The following PHF24 variants were observed in gnomAD, a reference collection of about 807,000 sequenced individuals.
PHF24 encodes Galpha inhibitory interacting protein.
A neutral mutation model predicts 42.6 loss-of-function variants in PHF24; 25 were observed. The ratio of observed to expected loss-of-function variants is 0.59; its 90% confidence interval spans 0.43 to 0.82. The LOEUF (loss-of-function observed/expected upper bound fraction) is 0.82. Among genes scored for constraint, PHF24 ranks in the 40% least tolerant of loss-of-function variants. The pLI, the probability that PHF24 is intolerant of heterozygous loss-of-function variation, is 0.00. For synonymous variants in PHF24, 185 were observed against 204.8 expected (o/e 0.90, Z 0.83); for missense variants, 470 against 538.1 (o/e 0.87, Z 1.25).
the PHF24 span, among the ~76,000 whole-genome samples, chr9:34,670,147 C>A: frequency 6.6e-6 from 1 of 152,202 alleles, no homozygotes; most frequent in African/African-American, 2.4e-5. Context: ...ATTTGAGACC[C>A]TCCTAGACTT....
the PHF24 span, among the ~76,000 whole-genome samples, chr9:34,885,327 CATT>C: frequency 6.6e-6 from 1 of 152,202 alleles, no homozygotes; most frequent in South Asian, 2.1e-4. Flanking sequence ...CAGAAGGACA[CATT>C]ATGCTTAACG....
At chr9:34,795,468 T>C in the PHF24 span, among the ~76,000 whole-genome samples, 849 of 151,914 alleles carry the variant, frequency 5.6e-3, 8 homozygotes, top group African/African-American at 0.019. Context: ...CAATAATTGA[T>C]TAAAAGAGAA....
At chr9:34,852,072 C>T in the PHF24 span, among the ~76,000 whole-genome samples, 1 of 152,150 alleles carries the variant, frequency 6.6e-6, no homozygotes, top group Non-Finnish European at 1.5e-5. Context: ...TCTTTATTCT[C>T]CTCTTCCTCA....
At chr9:34,919,854 C>T in the PHF24 span, among the ~76,000 whole-genome samples, 62,069 of 151,938 alleles carry the variant, frequency 0.41, 12,847 homozygotes, top group East Asian at 0.54. Context: ...GTCCTCCAGT[C>T]CATCCACGCT....
At chr9:34,749,043 A>C in the PHF24 span, among the ~76,000 whole-genome samples, 1 of 152,114 alleles carries the variant, frequency 6.6e-6, no homozygotes, top group East Asian at 1.9e-4. Flanking sequence ...AGACATTCTC[A>C]AGTTGAAAAA....
the PHF24 span, among the ~76,000 whole-genome samples, chr9:34,840,863 C>T: frequency 6.6e-6 from 1 of 151,970 alleles, no homozygotes; most frequent in Non-Finnish European, 1.5e-5. Flanking sequence ...TAATATAAAT[C>T]TTTGCATAAA....
the PHF24 span, among the ~76,000 whole-genome samples, chr9:34,792,168 C>A: frequency 6.6e-6 from 1 of 152,144 alleles, no homozygotes; most frequent in African/African-American, 2.4e-5. Context: ...AGCAGCAAGA[C>A]GAAGTGCTTC....
At chr9:34,762,486 A>C in the PHF24 span, among the ~76,000 whole-genome samples, 1 of 149,448 alleles carries the variant, frequency 6.7e-6, no homozygotes, top group Non-Finnish European at 1.5e-5. Context: ...TTGGCTGCAT[A>C]AATGTCTTCT....
the PHF24 span, among the ~76,000 whole-genome samples, chr9:34,789,377 G>A: frequency 4.6e-5 from 7 of 152,184 alleles, no homozygotes; most frequent in Non-Finnish European, 8.8e-5. Flanking sequence ...TCTCTTGGCT[G>A]ATTCTTTCTT....
At chr9:34,701,663 G>A in the PHF24 span, among the ~76,000 whole-genome samples, 1 of 152,064 alleles carries the variant, frequency 6.6e-6, no homozygotes, top group Non-Finnish European at 1.5e-5. This position sits in a 1 kb window ranked among gnomAD's most constrained non-coding sequence, Gnocchi z 5.8. Context: ...GCGTATGGAG[G>A]GGAGGCTCGG....
At chr9:34,979,010 C>T (rs1827302061) in exon 8 of PHF24, 2 of 152,190 alleles carry the variant, frequency 1.3e-5, no homozygotes. Flanking sequence ...CCACAGCCCT[C>T]TGTGTTAGAT....
the PHF24 span, among the ~76,000 whole-genome samples, chr9:34,695,087 C>A: frequency 6.6e-6 from 1 of 152,172 alleles, no homozygotes; most frequent in South Asian, 2.1e-4. Flanking sequence ...AGCAGAAGAA[C>A]CAGCCACATG....
In PHF24 at chr9:34,972,541, G is replaced by A; in HGVS notation, c.564+10G>A. On this transcript the variant is annotated intron_variant, in intron 3 of 7. Coordinates refer to ENST00000242315, the Ensembl canonical transcript of PHF24. The stretch of plus-strand genomic sequence containing the variant: ...GAGCTGCCACTACTGTGTAAGTCTG[G>A]ACTGCAGGGACAGCAGAGGACTTGG... 6.3e-7 allele frequency: 1 copy of A among 1,592,050 alleles called. No individual in the cohort carries two copies. The highest frequency in any genetic ancestry group is 8.6e-7 in the Non-Finnish European group (1 of 1,167,074).
At chr9:34,838,532 A>G in the PHF24 span, 5 of 1,286,468 alleles carry the variant, frequency 3.9e-6, no homozygotes, top group Non-Finnish European at 4.4e-6. Context: ...CCATCCCTCT[A>G]TCTCGGCATT....
At chr9:34,917,114 C>G in the PHF24 span, 1 of 795,766 alleles carries the variant, frequency 1.3e-6, no homozygotes, top group Non-Finnish European at 2.2e-6. Context: ...CCTCTCCTCA[C>G]CTCGCTCTCG....
the PHF24 span, among the ~76,000 whole-genome samples, chr9:34,684,033 G>T: frequency 0.15 from 22,467 of 152,152 alleles, 1,767 homozygotes; most frequent in Admixed American, 0.19. Flanking sequence ...ACTTATTCTC[G>T]CTATTTTCTG....
At chr9:34,938,327 C>A in the PHF24 span, among the ~76,000 whole-genome samples, 1 of 152,290 alleles carries the variant, frequency 6.6e-6, no homozygotes. Context: ...GAACTGAGGC[C>A]CACCCCAGGA....
the PHF24 span, among the ~76,000 whole-genome samples, chr9:34,683,063 CTCT>C: frequency 1.1e-4 from 5 of 44,592 alleles, no homozygotes; most frequent in African/African-American, 1.9e-4. Flanking sequence ...CTTTCTTTCT[CTCT>C]TTTTTTTTTT....
chr9:34,732,703 A>G, the PHF24 span, among the ~76,000 whole-genome samples: 4 of 152,140 alleles, frequency 2.6e-5, no homozygotes. Context: ...TTGCCCCTAG[A>G]TCAATTTCCT....
Sources: allele counts gnomAD v4.1 joint callset (sites outside exome capture counted in the v4.1 genomes callset), GRCh38; gene constraint gnomAD v4.1.1; non-coding constraint Gnocchi (gnomAD v3.1); transcripts MANE v1.5; gene names NCBI Gene and HGNC (gene_info 2026-07-23, HGNC 2026-07-21).